Variants in KLB observed in about 807,000 individuals in gnomAD.
KLB encodes beta-klotho.
A neutral mutation model predicts 88.4 loss-of-function variants in KLB; 44 were observed. The observed-to-expected ratio is 0.50, with a 90% CI of 0.39 to 0.64. KLB has a LOEUF of 0.64. Ranked by LOEUF, KLB falls within the 30% of genes least tolerant of loss-of-function variation. KLB has a pLI of 0.00. For missense variants in KLB, 1,137 were observed against 1,304.8 expected (o/e 0.87, Z 1.98); for synonymous variants, 548 against 513.4 (o/e 1.07, Z -0.91).
At chr4:39,408,846 T>C (rs958516482) in intron 1 of KLB, among the ~76,000 whole-genome samples, 5 of 151,872 alleles carry the variant, frequency 3.3e-5, no homozygotes, top group African/African-American at 1.2e-4. Context: ...TCTGCACACC[T>C]GTTACATTTT....
intron 3 of KLB, among the ~76,000 whole-genome samples, chr4:39,442,893 A>AT (rs1743645182): frequency 6.6e-6 from 1 of 152,126 alleles, no homozygotes; most frequent in African/African-American, 2.4e-5. Flanking sequence ...TCCATATTCA[A>AT]TTTTTTTAAT....
At chr4:39,430,420 A>AAAAAAAAAAAC (rs1743320929) in intron 1 of KLB, among the ~76,000 whole-genome samples, 1 of 150,954 alleles carries the variant, frequency 6.6e-6, no homozygotes, top group Admixed American at 6.6e-5. Flanking sequence ...AAAAAAAAAA[A>AAAAAAAAAAAC]AGCGGTTCTC....
chr4:39,412,359 C>T (rs1410790641), intron 1 of KLB, among the ~76,000 whole-genome samples: 3 of 152,032 alleles, frequency 2.0e-5, no homozygotes, highest in African/African-American at 4.8e-5. Flanking sequence ...TTTGAATATG[C>T]GTGATATTGC....
intron 1 of KLB, among the ~76,000 whole-genome samples, chr4:39,419,308 A>G (rs1175669975): frequency 6.6e-6 from 1 of 152,222 alleles, no homozygotes; most frequent in African/African-American, 2.4e-5. Flanking sequence ...GAGCACTCTC[A>G]TACATGGAAA....
At chr4:39,410,337 A>G (rs1158538879) in intron 1 of KLB, among the ~76,000 whole-genome samples, 1 of 152,250 alleles carries the variant, frequency 6.6e-6, no homozygotes, top group Non-Finnish European at 1.5e-5. Flanking sequence ...TGCCTTTAAC[A>G]CAAAATTAGC....
intron 3 of KLB, among the ~76,000 whole-genome samples, chr4:39,440,401 C>A (rs1743573892): frequency 6.6e-6 from 1 of 152,012 alleles, no homozygotes; most frequent in Non-Finnish European, 1.5e-5. Context: ...CTGCCTCAGT[C>A]TCCCAAAGTG....
intron 1 of KLB, among the ~76,000 whole-genome samples, chr4:39,411,267 C>T (rs1292691076): frequency 6.6e-6 from 1 of 150,588 alleles, no homozygotes; most frequent in Non-Finnish European, 1.5e-5. Flanking sequence ...TCAGGCTGGT[C>T]TGGAACTCCC....
At position 39,430,769 on chromosome 4, in the gene KLB, T is replaced by G. The variant is rs1416550055; in HGVS notation, c.826-3441T>G. On this transcript the variant is annotated intron_variant, in intron 1 of 4. Coordinates refer to ENST00000257408, the MANE Select transcript of KLB (RefSeq NM_175737.4). The stretch of plus-strand genomic sequence containing the variant: ...GCGCATGCCACCAAGTCCAGCTAAT[T>G]TTTATATTTTTTTTTAGTAGAGAAG... Among the ~76,000 whole-genome samples the G allele has an allele frequency of 7.3e-5, 11 of 150,698 alleles. No individual in the cohort carries two copies. In the Admixed American group the frequency reaches 7.3e-4, roughly 10 times the overall value.
chr4:39,416,224 C>G (rs1200029799), intron 1 of KLB, among the ~76,000 whole-genome samples: 4 of 151,746 alleles, frequency 2.6e-5, no homozygotes, highest in Admixed American at 2.0e-4. Context: ...CATCTTGAAA[C>G]AAGCTGCAGA....
At position 39,446,938 on chromosome 4, in the gene KLB, G is replaced by A. The variant is rs763411080; in HGVS notation, c.2212G>A (p.Val738Met). Residue 738 changes from valine (V) to methionine (M), a missense_variant, in exon 4 of 5, where the codon GTG (valine) becomes ATG (methionine). Val to Met is a conservative substitution (Grantham distance 21). This residue lies in a region of KLB where 426 missense variants were observed against 404.6 expected (regional missense o/e 1.05). Coordinates refer to ENST00000257408, the MANE Select transcript of KLB (RefSeq NM_175737.4). The surrounding 1 kb of genome is among the most constrained non-coding windows in gnomAD (Gnocchi z 6.4). Reference protein sequence around the residue: ...RQFRPSQRGAVSLSLHADWAE... With the variant: ...RQFRPSQRGAMSLSLHADWAE... ...GTTCAGGCCCTCACAGCGCGGGGCCGTGTCGCTGTCGCTGCACGCGGACTG... is the reference window on the plus strand; with the variant it reads ...GTTCAGGCCCTCACAGCGCGGGGCCATGTCGCTGTCGCTGCACGCGGACTG... The A allele has an allele frequency of 1.9e-6, 3 of 1,604,790 alleles. No homozygotes were observed. The South Asian group carries it at 3.3e-5, about 18-fold the overall frequency.
chr4:39,446,745 C>T lies in KLB; in HGVS notation c.2019C>T (p.Tyr673=). The change falls in exon 4 of 5, where the codon TAC becomes TAT. Residue 673 remains tyrosine (Y), a synonymous_variant. Coordinates refer to ENST00000257408, the MANE Select transcript of KLB (RefSeq NM_175737.4). This position sits in a 1 kb window ranked among gnomAD's most constrained non-coding sequence, Gnocchi z 6.4. ...NPSTAEAFQA[Y]AGLCFQELGD... ...CGACGGCCGAGGCCTTCCAGGCCTA[C>T]GCTGGGCTGTGCTTCCAGGAGCTGG... 6.2e-7 allele frequency: 1 copy of T among 1,606,512 alleles called. No individual in the cohort carries two copies. Among genetic ancestry groups the T allele is most frequent in the Non-Finnish European group, 8.5e-7 (1 of 1,176,302 alleles).
At chr4:39,448,198 T>C in intron 4 of KLB, 103 bp from the exon 5 acceptor site, 1 of 816,460 alleles carries the variant, frequency 1.2e-6, no homozygotes, top group South Asian at 2.1e-5. Flanking sequence ...TCACTACCTT[T>C]ATTATGGGCA....
intron 1 of KLB, among the ~76,000 whole-genome samples, chr4:39,419,247 A>C (rs1004853045): frequency 1.3e-5 from 2 of 152,210 alleles, no homozygotes; most frequent in African/African-American, 4.8e-5. Flanking sequence ...CGTAATTATA[A>C]ATGCTCAGAG....
At chr4:39,429,778 T>A (rs540590170) in intron 1 of KLB, among the ~76,000 whole-genome samples, 1 of 152,312 alleles carries the variant, frequency 6.6e-6, no homozygotes, top group African/African-American at 2.4e-5. Flanking sequence ...CACACATAGA[T>A]GGATATGGCA....
rs1276798808 is a variant in KLB at position 39,450,267 on chromosome 4, C to T, written c.*1581C>T. The T allele has an allele frequency of 6.6e-6, 1 of 152,228 alleles. No homozygotes were observed. Among genetic ancestry groups the T allele is most frequent in the Non-Finnish European group, 1.5e-5 (1 of 68,050 alleles). The allele number at this position is 152,228 out of a possible 1,614,324, so 9.4% of individuals were successfully genotyped here. ...TCTTTAGGTCAACATTTAACACCCA[C>T]TGCATACATTAATTTGTCCTTGTCT... On this transcript the variant is annotated 3_prime_UTR_variant, in exon 5 of 5. Coordinates refer to ENST00000257408, the MANE Select transcript of KLB (RefSeq NM_175737.4).
intron 1 of KLB, among the ~76,000 whole-genome samples, chr4:39,411,337 AT>A (rs35160893): frequency 2.5e-4 from 26 of 103,274 alleles, no homozygotes; most frequent in African/African-American, 9.8e-4. Context: ...TTTTGTTTTG[AT>A]TTTTTTTTTT....
In KLB at chr4:39,417,466, G is replaced by A. The variant is rs530107445; in HGVS notation, c.825+9692G>A. Among the ~76,000 whole-genome samples the A allele has an allele frequency of 3.3e-5, 5 of 152,046 alleles. No homozygotes were observed. The South Asian group carries it at 1.0e-3, about 32-fold the overall frequency. ...GTAGCTGGGATTACAGGCATACACC[G>A]CCACGCCTGGCTAATTTTGTATTTT... On this transcript the variant is annotated intron_variant, in intron 1 of 4. Transcript: ENST00000257408.
chr4:39,420,332 C>T (rs1260425673), intron 1 of KLB, among the ~76,000 whole-genome samples: 1 of 152,122 alleles, frequency 6.6e-6, no homozygotes, highest in East Asian at 1.9e-4. Context: ...ATGACTCCTC[C>T]TTACATTGTT....
intron 1 of KLB, among the ~76,000 whole-genome samples, chr4:39,421,393 T>C (rs567961878): frequency 6.6e-6 from 1 of 152,264 alleles, no homozygotes; most frequent in African/African-American, 2.4e-5. Context: ...GCTGATGAAT[T>C]CTCCATTTGA....
Sources: allele counts gnomAD v4.1 joint callset (sites outside exome capture counted in the v4.1 genomes callset), GRCh38; gene constraint gnomAD v4.1.1; regional missense constraint gnomAD v4.1.1; non-coding constraint Gnocchi (gnomAD v3.1); transcripts MANE v1.5; gene names NCBI Gene and HGNC (gene_info 2026-07-23, HGNC 2026-07-21).